The following SOX5 variants were observed in gnomAD, a reference collection of about 807,000 sequenced individuals.
The protein encoded by SOX5 is transcription factor SOX-5.
In SOX5, 9 loss-of-function variants were observed where a neutral mutation model predicts 92.0. The observed-to-expected ratio is 0.10, with a 90% CI of 0.06 to 0.17. The LOEUF (loss-of-function observed/expected upper bound fraction) is 0.17. Among genes scored for constraint, SOX5 ranks in the 10% least tolerant of loss-of-function variants. The probability of loss-of-function intolerance (pLI) is 1.00; values close to 1 mark genes in which losing one functional copy is unlikely to be tolerated. For synonymous variants in SOX5, 344 were observed against 336.3 expected (o/e 1.02, Z -0.25); for missense variants, 642 against 944.5 (o/e 0.68, Z 4.20).
chr12:23,676,267 T>G (rs1220263112), intron 6 of SOX5, among the ~76,000 whole-genome samples: 1 of 152,210 alleles, frequency 6.6e-6, no homozygotes, highest in African/African-American at 2.4e-5. Flanking sequence ...CATGTTAATT[T>G]ACTTGACTGC....
At chr12:23,594,325 C>A (rs917401525) in intron 9 of SOX5, among the ~76,000 whole-genome samples, 4 of 152,086 alleles carry the variant, frequency 2.6e-5, no homozygotes, top group South Asian at 2.1e-4. Context: ...TCACTTTATA[C>A]ACTGTGCTAC....
At chr12:23,977,826 C>T (rs1003515858) in intron 4 of SOX5, among the ~76,000 whole-genome samples, 2 of 152,136 alleles carry the variant, frequency 1.3e-5, no homozygotes, top group African/African-American at 2.4e-5. Context: ...TTTCACCCCA[C>T]CTATTGGTTC....
At chr12:23,591,232 T>G (rs4519179) in intron 9 of SOX5, among the ~76,000 whole-genome samples, 26,713 of 151,974 alleles carry the variant, frequency 0.18, 3,072 homozygotes, top group South Asian at 0.25. Context: ...GTAAGCATAA[T>G]TTTGCAAAGA....
intron 4 of SOX5, among the ~76,000 whole-genome samples, chr12:23,743,045 A>G (rs956086544): frequency 6.6e-6 from 1 of 152,218 alleles, no homozygotes; most frequent in Non-Finnish European, 1.5e-5. Flanking sequence ...CTAAATGTCA[A>G]ATAAGAATAA....
intron 4 of SOX5, among the ~76,000 whole-genome samples, chr12:24,089,181 T>C (rs577931158): frequency 1.3e-4 from 20 of 152,258 alleles, no homozygotes; most frequent in African/African-American, 4.8e-4. Context: ...AATTTCTAGC[T>C]GATCAGTAAT....
intron 1 of SOX5, among the ~76,000 whole-genome samples, chr12:24,548,691 T>C (rs150987144): frequency 6.6e-6 from 1 of 152,286 alleles, no homozygotes; most frequent in Non-Finnish European, 1.5e-5. Context: ...AAACAGCATG[T>C]TTGTTTCTGA....
intron 1 of SOX5, among the ~76,000 whole-genome samples, chr12:24,394,107 C>T (rs1003281184): frequency 5.3e-5 from 8 of 151,948 alleles, no homozygotes; most frequent in African/African-American, 1.2e-4. Flanking sequence ...GTTAGAGCTC[C>T]GAAATTCATC....
intron 2 of SOX5, among the ~76,000 whole-genome samples, chr12:24,291,689 C>T (rs921294020): frequency 6.6e-6 from 1 of 152,178 alleles, no homozygotes; most frequent in Non-Finnish European, 1.5e-5. Flanking sequence ...GGTTCTAATA[C>T]AGTATGGCTC....
intron 6 of SOX5, among the ~76,000 whole-genome samples, chr12:23,696,307 G>A (rs2089851093): frequency 6.6e-6 from 1 of 152,096 alleles, no homozygotes; most frequent in African/African-American, 2.4e-5. Flanking sequence ...CTTTAGTAGT[G>A]TAGAGGTATT....
At chr12:24,323,487 CA>C (rs201455855) in intron 2 of SOX5, among the ~76,000 whole-genome samples, 5 of 151,510 alleles carry the variant, frequency 3.3e-5, no homozygotes, top group East Asian at 1.9e-4. Context: ...TAATGTCAAA[CA>C]AAAAAAGCAG....
chr12:24,033,357 G>C (rs532507132), intron 4 of SOX5, among the ~76,000 whole-genome samples: 1 of 152,024 alleles, frequency 6.6e-6, no homozygotes, highest in East Asian at 1.9e-4. Flanking sequence ...AAGTTTTCAA[G>C]ATTTTTTATG....
chr12:23,967,080 C>G (rs955993911), intron 4 of SOX5, among the ~76,000 whole-genome samples: 2 of 151,984 alleles, frequency 1.3e-5, no homozygotes, highest in Non-Finnish European at 2.9e-5. Context: ...AGAAATGAAA[C>G]AAAAACATTA....
At chr12:23,979,705 T>G (rs1221280611) in intron 4 of SOX5, among the ~76,000 whole-genome samples, 2 of 75,796 alleles carry the variant, frequency 2.6e-5, no homozygotes, top group Non-Finnish European at 5.1e-5. Flanking sequence ...TATGTTTTTT[T>G]TGTTTTTTTT....
chr12:24,409,003 C>T (rs1309756205), intron 1 of SOX5, among the ~76,000 whole-genome samples: 3 of 152,118 alleles, frequency 2.0e-5, no homozygotes, highest in Non-Finnish European at 4.4e-5. Context: ...ATAAATCATT[C>T]CACTATAAAG....
intron 7 of SOX5, among the ~76,000 whole-genome samples, chr12:23,654,157 A>G (rs2082024078): frequency 6.6e-6 from 1 of 152,130 alleles, no homozygotes; most frequent in African/African-American, 2.4e-5. Context: ...AAGAACAGAT[A>G]ATGAAACGGG....
chr12:23,623,183 TGAA>T (rs2077381262), intron 8 of SOX5, among the ~76,000 whole-genome samples: 1 of 152,156 alleles, frequency 6.6e-6, no homozygotes, highest in Admixed American at 6.5e-5. Flanking sequence ...TTAGATCCTG[TGAA>T]GTTTATGCTT....
chr12:24,185,652 C>T (rs10743493), intron 4 of SOX5, among the ~76,000 whole-genome samples: 135,883 of 152,122 alleles, frequency 0.89, 60,819 homozygotes, highest in East Asian at 0.98. Context: ...CCTTCACAAG[C>T]GCTGAACTTT....
chr12:23,580,198 GGCT>G (rs1949845543), intron 9 of SOX5, among the ~76,000 whole-genome samples: 1 of 151,936 alleles, frequency 6.6e-6, no homozygotes, highest in Non-Finnish European at 1.5e-5. Context: ...TGGAAAGTAA[GGCT>G]TAGAAAGTTC....
chr12:23,827,711 A>G (rs1369500794), intron 3 of SOX5, among the ~76,000 whole-genome samples: 1 of 152,216 alleles, frequency 6.6e-6, no homozygotes, highest in Non-Finnish European at 1.5e-5. Context: ...TAAAAGACAG[A>G]GGATATAGGT....
Sources: gnomAD v4.1 joint callset for allele counts (sites outside exome capture counted in the v4.1 genomes callset) on GRCh38, gnomAD v4.1.1 for gene constraint, MANE v1.5 for transcripts, NCBI Gene and HGNC (gene_info 2026-07-23, HGNC 2026-07-21) for gene names.